Variants in SHANK2 observed in about 807,000 individuals in gnomAD.
SHANK2 encodes the protein SH3 and multiple ankyrin repeat domains 2, also known as SH3 and multiple ankyrin repeat domains protein 2.
A neutral mutation model predicts 133.7 loss-of-function variants in SHANK2; 43 were observed. The ratio of observed to expected loss-of-function variants is 0.32; its 90% CI spans 0.25 to 0.41. The LOEUF is 0.41. Among genes scored for constraint, SHANK2 ranks in the 10% least tolerant of loss-of-function variants. SHANK2 has a pLI of 1.00. For synonymous variants in SHANK2, 1,017 were observed against 952.8 expected (o/e 1.07, Z -1.24); for missense variants, 1,994 against 2,235.8 (o/e 0.89, Z 2.18).
intron 14 of SHANK2, among the ~76,000 whole-genome samples, chr11:70,752,807 T>C (rs973383571): frequency 4.6e-5 from 7 of 151,394 alleles, no homozygotes; most frequent in African/African-American, 1.7e-4. Context: ...CAACCTAACA[T>C]TGGAACTTCA....
chr11:70,763,946 C>T (rs966496497), intron 14 of SHANK2, among the ~76,000 whole-genome samples: 1 of 152,192 alleles, frequency 6.6e-6, no homozygotes, highest in Admixed American at 6.5e-5. Flanking sequence ...AAGTTAGATG[C>T]TGACATGAAA....
chr11:70,497,364 G>T (rs1555157356), intron 21 of SHANK2, among the ~76,000 whole-genome samples: 3 of 152,178 alleles, frequency 2.0e-5, no homozygotes, highest in African/African-American at 7.2e-5. Flanking sequence ...TTTATTCAGG[G>T]ACTCTGGATG....
chr11:71,173,630 C>T (rs975224638), intron 2 of SHANK2, among the ~76,000 whole-genome samples: 2 of 152,230 alleles, frequency 1.3e-5, no homozygotes, highest in African/African-American at 2.4e-5. Flanking sequence ...TGAAACCTAC[C>T]CAAGTGCACT....
At chr11:70,884,050 A>G (rs1481356195) in intron 11 of SHANK2, among the ~76,000 whole-genome samples, 2 of 152,228 alleles carry the variant, frequency 1.3e-5, no homozygotes, top group Admixed American at 1.3e-4. Flanking sequence ...GCTCAGGGGC[A>G]AGGGAGGAAC....
At chr11:70,870,984 G>A (rs1949450803) in intron 11 of SHANK2, among the ~76,000 whole-genome samples, 1 of 152,078 alleles carries the variant, frequency 6.6e-6, no homozygotes. Flanking sequence ...CACCATGTTG[G>A]CCAGGCTGGT....
intron 17 of SHANK2, among the ~76,000 whole-genome samples, chr11:70,508,521 C>T (rs1420246214): frequency 6.6e-6 from 1 of 152,172 alleles, no homozygotes; most frequent in African/African-American, 2.4e-5. Flanking sequence ...AAAATATGAC[C>T]TTACTTTGCA....
chr11:70,673,629 T>C (rs1944856295), intron 15 of SHANK2, among the ~76,000 whole-genome samples: 1 of 152,234 alleles, frequency 6.6e-6, no homozygotes, highest in Non-Finnish European at 1.5e-5. Context: ...GAAGGCTGAT[T>C]CTAGGGCTGG....
intron 1 of SHANK2, among the ~76,000 whole-genome samples, chr11:71,225,186 G>T (rs556007168): frequency 6.6e-6 from 1 of 152,170 alleles, no homozygotes; most frequent in Non-Finnish European, 1.5e-5. Flanking sequence ...CTAGGAAAGC[G>T]GCAGCTAACA....
intron 2 of SHANK2, among the ~76,000 whole-genome samples, chr11:71,216,648 C>A (rs1340499364): frequency 6.6e-6 from 1 of 152,144 alleles, no homozygotes; most frequent in Non-Finnish European, 1.5e-5. Flanking sequence ...TATGCAATGG[C>A]GGTCCCATAA....
At chr11:70,792,275 C>A (rs1555048198) in intron 14 of SHANK2, among the ~76,000 whole-genome samples, 1 of 150,400 alleles carries the variant, frequency 6.6e-6, no homozygotes, top group African/African-American at 2.4e-5. Context: ...AGCTAGCCAG[C>A]CAGCCAGCCA....
chr11:70,690,926 C>T (rs782242705), intron 15 of SHANK2, among the ~76,000 whole-genome samples: 5 of 152,016 alleles, frequency 3.3e-5, no homozygotes, highest in African/African-American at 4.8e-5. Context: ...GTAATCATCA[C>T]GTTGGGAAGA....
rs1950988950 is a variant in SHANK2, at chr11:71,061,767, C to T, written c.1030-5209G>A. On this transcript the variant is annotated intron_variant, in intron 9 of 25. Coordinates refer to ENST00000601538, the MANE Select transcript of SHANK2 (RefSeq NM_012309.5). ...GGTGACCGGCATTTCAAGAGATGCA[C>T]AGAATGCAGCCTTCTCCACCAGGAT... Among the ~76,000 whole-genome samples the T allele has an allele frequency of 5.9e-5, 9 of 152,176 alleles. No individual in the cohort carries two copies. In the South Asian group the frequency reaches 1.9e-3, roughly 32 times the overall value.
At chr11:71,198,771 G>C (rs979935253) in intron 2 of SHANK2, among the ~76,000 whole-genome samples, 1 of 152,308 alleles carries the variant, frequency 6.6e-6, no homozygotes, top group Non-Finnish European at 1.5e-5. Flanking sequence ...CAGATGTCTC[G>C]TGTCTGTGGG....
chr11:71,160,999 A>G (rs1478703702), intron 2 of SHANK2, among the ~76,000 whole-genome samples: 2 of 152,240 alleles, frequency 1.3e-5, no homozygotes, highest in Non-Finnish European at 2.9e-5. Flanking sequence ...ACTTTTGTTA[A>G]CCAGAAATAA....
rs1410610979 is a variant in SHANK2, at chr11:70,804,985, G to A, written c.1663+2017C>T. Among the ~76,000 whole-genome samples, 1 of 152,182 alleles carries A rather than the reference G, an allele frequency of 6.6e-6. No individual in the cohort carries two copies. The highest frequency in any genetic ancestry group is 2.4e-5 in the African/African-American group (1 of 41,448). The stretch of plus-strand genomic sequence containing the variant: ...TCTGCTCTATGTCTAAGGGACTGGG[G>A]ACATGTGCCAAGTTCACAGCATGGG... On this transcript the variant is annotated intron_variant, in intron 13 of 25. Transcript: ENST00000601538. The surrounding 1 kb of genome is among the most constrained non-coding windows in gnomAD (Gnocchi z 4.1).
intron 1 of SHANK2, among the ~76,000 whole-genome samples, chr11:71,245,287 G>A (rs901914387): frequency 1.3e-5 from 2 of 152,152 alleles, no homozygotes; most frequent in African/African-American, 2.4e-5. Flanking sequence ...GCCTCACCAA[G>A]TGTTTTTCTT....
intron 24 of SHANK2, chr11:70,489,091 A>G: frequency 1.8e-6 from 1 of 543,892 alleles, no homozygotes; most frequent in South Asian, 2.2e-5. Context: ...AACTACAATA[A>G]TTTATTCCAA....
rs1002884837 is a variant in SHANK2 at position 70,887,590 on chromosome 11, G to T, written c.1174+8911C>A. ...TCCCCTAAAGCCACATTCCAGCATC[G>T]TAAGGGCACTGATTTCCTGGCACTG... On this transcript the variant is annotated intron_variant, in intron 11 of 25. Transcript: ENST00000601538. Among the ~76,000 whole-genome samples, 4 of 151,992 alleles carry T rather than the reference G, an allele frequency of 2.6e-5. No individual in the cohort carries two copies. The East Asian group carries it at 7.7e-4, about 29-fold the overall frequency.
intron 17 of SHANK2, among the ~76,000 whole-genome samples, chr11:70,567,755 CT>C (rs2059986214): frequency 6.6e-6 from 1 of 152,154 alleles, no homozygotes; most frequent in Non-Finnish European, 1.5e-5. Context: ...CCTGAGACAC[CT>C]TGATCTTGGA....
Sources: allele counts gnomAD v4.1 joint callset (sites outside exome capture counted in the v4.1 genomes callset), GRCh38; gene constraint gnomAD v4.1.1; non-coding constraint Gnocchi (gnomAD v3.1); transcripts MANE v1.5; gene names NCBI Gene and HGNC (gene_info 2026-07-23, HGNC 2026-07-21).